TNFSF4: variants seen among roughly 807,000 people sequenced by gnomAD.
TNFSF4 encodes TNF superfamily member 4.
A neutral mutation model predicts 7.3 loss-of-function variants in TNFSF4; 4 were observed. The observed-to-expected ratio is 0.55, with a 90% CI of 0.27 to 1.25. TNFSF4 has a LOEUF of 1.25. Among genes scored for constraint, TNFSF4 ranks in the 50% most tolerant of loss-of-function variants. TNFSF4 has a pLI of 0.12. For synonymous variants in TNFSF4, 76 were observed against 83.7 expected (o/e 0.91, Z 0.50); for missense variants, 181 against 208.8 (o/e 0.87, Z 0.82).
chr1:173,319,763 G>A, the TNFSF4 span, among the ~76,000 whole-genome samples: 2 of 152,282 alleles, frequency 1.3e-5, no homozygotes, highest in African/African-American at 4.8e-5. Context: ...TGCAGAAGAG[G>A]GGCCTGACTG....
At chr1:173,217,478 T>C in the TNFSF4 span, among the ~76,000 whole-genome samples, 8 of 152,336 alleles carry the variant, frequency 5.3e-5, no homozygotes, top group South Asian at 1.7e-3. Context: ...GATAAATAAA[T>C]ATAGGTAGAA....
At chr1:173,391,836 C>CA in the TNFSF4 span, among the ~76,000 whole-genome samples, 1 of 152,014 alleles carries the variant, frequency 6.6e-6, no homozygotes, top group Non-Finnish European at 1.5e-5. Flanking sequence ...CCTTCAAGGA[C>CA]AAAATTGAGA....
chr1:173,266,725 C>T, the TNFSF4 span, among the ~76,000 whole-genome samples: 1 of 152,024 alleles, frequency 6.6e-6, no homozygotes, highest in Non-Finnish European at 1.5e-5. Context: ...ATTACAGTGT[C>T]AAACGTTTAG....
At chr1:173,194,514 C>T (rs1302173555) in intron 1 of TNFSF4, among the ~76,000 whole-genome samples, 6 of 152,100 alleles carry the variant, frequency 3.9e-5, no homozygotes, top group South Asian at 2.1e-4. Context: ...CAGAGAAGAG[C>T]TGGATGAGCA....
At chr1:173,449,634 T>C in the TNFSF4 span, among the ~76,000 whole-genome samples, 2 of 152,162 alleles carry the variant, frequency 1.3e-5, no homozygotes, top group African/African-American at 2.4e-5. Context: ...CCACCGTGCC[T>C]GGCCTCAGGC....
At chr1:173,327,425 T>C in the TNFSF4 span, among the ~76,000 whole-genome samples, 1 of 151,732 alleles carries the variant, frequency 6.6e-6, no homozygotes, top group Non-Finnish European at 1.5e-5. Context: ...GGCAATACCA[T>C]TCAGGACATA....
chr1:173,438,949 C>A, the TNFSF4 span, among the ~76,000 whole-genome samples: 1 of 152,176 alleles, frequency 6.6e-6, no homozygotes. Flanking sequence ...TAAAGCACAA[C>A]CCTCATCTAA....
chr1:173,417,346 G>A, the TNFSF4 span, among the ~76,000 whole-genome samples: 1 of 152,226 alleles, frequency 6.6e-6, no homozygotes, highest in Non-Finnish European at 1.5e-5. Flanking sequence ...CAAATGTAAA[G>A]CTCTTAGCAC....
chr1:173,394,401 T>C, the TNFSF4 span, among the ~76,000 whole-genome samples: 3 of 152,166 alleles, frequency 2.0e-5, no homozygotes, highest in Admixed American at 1.3e-4. Flanking sequence ...TATTCTTACT[T>C]TATATTTCCA....
At chr1:173,302,191 A>G in the TNFSF4 span, among the ~76,000 whole-genome samples, 1 of 151,932 alleles carries the variant, frequency 6.6e-6, no homozygotes, top group Non-Finnish European at 1.5e-5. Context: ...GGGCTGACAT[A>G]ATGGCAAAGC....
At chr1:173,336,751 G>T in the TNFSF4 span, among the ~76,000 whole-genome samples, 1 of 152,072 alleles carries the variant, frequency 6.6e-6, no homozygotes, top group African/African-American at 2.4e-5. Flanking sequence ...CACATCAGAG[G>T]GTGGGAAATA....
At chr1:173,224,577 T>C in the TNFSF4 span, among the ~76,000 whole-genome samples, 2 of 152,176 alleles carry the variant, frequency 1.3e-5, no homozygotes, top group Non-Finnish European at 2.9e-5. Flanking sequence ...TGGTAACTCA[T>C]TAAACTGTCA....
the TNFSF4 span, among the ~76,000 whole-genome samples, chr1:173,270,830 G>A: frequency 6.6e-6 from 1 of 151,964 alleles, no homozygotes; most frequent in Non-Finnish European, 1.5e-5. Flanking sequence ...TTAATGAGGT[G>A]GCACTAGAGT....
the TNFSF4 span, among the ~76,000 whole-genome samples, chr1:173,244,635 C>A: frequency 7.9e-6 from 1 of 127,140 alleles, no homozygotes; most frequent in African/African-American, 3.7e-5. Flanking sequence ...GAGCGAGACT[C>A]TGTCTCAAAA....
At chr1:173,253,790 A>T in the TNFSF4 span, among the ~76,000 whole-genome samples, 1 of 152,160 alleles carries the variant, frequency 6.6e-6, no homozygotes, top group African/African-American at 2.4e-5. Context: ...TTAAAGTGAG[A>T]TGAGTTTTTT....
the TNFSF4 span, among the ~76,000 whole-genome samples, chr1:173,234,673 T>C: frequency 6.6e-6 from 1 of 152,140 alleles, no homozygotes; most frequent in Admixed American, 6.6e-5. Flanking sequence ...AAACCATCAT[T>C]CTCAGGAAAC....
the TNFSF4 span, among the ~76,000 whole-genome samples, chr1:173,270,947 A>G: frequency 6.6e-6 from 1 of 152,146 alleles, no homozygotes; most frequent in Admixed American, 6.5e-5. Context: ...AGTTCATGAG[A>G]AAATGGAATA....
chr1:173,215,989 C>G, the TNFSF4 span, among the ~76,000 whole-genome samples: 2 of 152,134 alleles, frequency 1.3e-5, no homozygotes, highest in Non-Finnish European at 2.9e-5. Context: ...CACCCCAGAC[C>G]TATCAAATCA....
At chr1:173,379,666 CA>C in the TNFSF4 span, among the ~76,000 whole-genome samples, 2 of 152,162 alleles carry the variant, frequency 1.3e-5, no homozygotes, top group Non-Finnish European at 2.9e-5. Context: ...CCAAGAAGAA[CA>C]GGCCCAAAAG....
Sources: gnomAD v4.1 joint callset for allele counts (sites outside exome capture counted in the v4.1 genomes callset) on GRCh38, gnomAD v4.1.1 for gene constraint, MANE v1.5 for transcripts, NCBI Gene and HGNC (gene_info 2026-07-23, HGNC 2026-07-21) for gene names.